The following KDM4A variants were observed in gnomAD, a reference collection of about 807,000 sequenced individuals.
The protein encoded by KDM4A is lysine-specific demethylase 4A.
In KDM4A, 23 loss-of-function variants were observed where a neutral mutation model predicts 127.1. The ratio of observed to expected loss-of-function variants is 0.18; its 90% confidence interval spans 0.13 to 0.26. The LOEUF is 0.26. KDM4A is among the 10% of genes least tolerant of loss of function. KDM4A has a pLI of 1.00. For missense variants in KDM4A, 890 were observed against 1,329.1 expected, an observed-to-expected ratio of 0.67 and a Z score of 5.14; for synonymous variants, 443 against 466.5, an observed-to-expected ratio of 0.95 and a Z score of 0.65.
chr1:43,682,504 A>G (rs775776314), intron 11 of KDM4A, among the ~76,000 whole-genome samples: 1 of 152,196 alleles, frequency 6.6e-6, no homozygotes, highest in Non-Finnish European at 1.5e-5. Context: ...ATATTCCTCC[A>G]TACTGCTGCA....
chr1:43,669,713 A>G (rs1352748259), intron 10 of KDM4A, among the ~76,000 whole-genome samples: 3 of 151,770 alleles, frequency 2.0e-5, no homozygotes, highest in Middle Eastern at 3.4e-3. Context: ...CAGGGGCGCA[A>G]TCTTGGCTCA....
At chr1:43,668,376 C>T (rs940515187) in intron 9 of KDM4A, among the ~76,000 whole-genome samples, 4 of 152,160 alleles carry the variant, frequency 2.6e-5, no homozygotes, top group African/African-American at 4.8e-5. Context: ...CCGCCCACCT[C>T]GGCCTCCCAA....
At chr1:43,692,911 G>A (rs1274024738) in intron 16 of KDM4A, among the ~76,000 whole-genome samples, 6 of 152,170 alleles carry the variant, frequency 3.9e-5, no homozygotes, top group South Asian at 2.1e-4. Context: ...AGATGAATGA[G>A]GTTTCTGACC....
At position 43,703,352 on chromosome 1, in the gene KDM4A, C is replaced by T. The variant is rs570310871; in HGVS notation, c.2842-265C>T. The T allele has an allele frequency of 1.8e-5, 6 of 327,488 alleles. No homozygotes were observed. The South Asian group carries it at 2.3e-4, about 13-fold the overall frequency. The allele number at this position is 327,488 out of a possible 1,614,324, so 20.3% of individuals were successfully genotyped here. On this transcript the variant is annotated intron_variant, in intron 19 of 21. Coordinates refer to ENST00000372396, the MANE Select transcript of KDM4A (RefSeq NM_014663.3). Reference sequence around the variant, plus strand: ...GGGAATGTAAGAAGGACTCTTGATTCTGGCACTTAACTCCTGTGTTTACTA... The same window carrying T: ...GGGAATGTAAGAAGGACTCTTGATTTTGGCACTTAACTCCTGTGTTTACTA...
At chr1:43,703,513 A>C (rs573420897) in intron 19 of KDM4A, 104 bp from the exon 20 acceptor site, 6 of 1,448,294 alleles carry the variant, frequency 4.1e-6, no homozygotes, top group Non-Finnish European at 5.7e-6. Flanking sequence ...CTTGCTCTCT[A>C]AAACAGTTAC....
intron 4 of KDM4A, among the ~76,000 whole-genome samples, chr1:43,662,539 G>A (rs765012923): frequency 5.9e-5 from 9 of 152,110 alleles, no homozygotes; most frequent in Non-Finnish European, 8.8e-5. Context: ...CCCGGGAGGC[G>A]GAGGTTGCAG....
intron 3 of KDM4A, among the ~76,000 whole-genome samples, chr1:43,657,411 C>T (rs1015363640): frequency 6.6e-6 from 1 of 152,024 alleles, no homozygotes; most frequent in African/African-American, 2.4e-5. Context: ...CCATGTTGGC[C>T]AGGATGGTCT....
chr1:43,666,341 G>T, intron 6 of KDM4A, 111 bp from the exon 7 acceptor site: 1 of 809,046 alleles, frequency 1.2e-6, no homozygotes, highest in Non-Finnish European at 2.0e-6. Context: ...AGGTCACATT[G>T]GTGATGCATC....
chr1:43,688,442 A>C lies in KDM4A; in HGVS notation c.1856-472A>C, dbSNP rs1036544809. Among the ~76,000 whole-genome samples the C allele has an allele frequency of 6.6e-6, 1 of 152,024 alleles. No homozygotes were observed. Among genetic ancestry groups the C allele is most frequent in the Non-Finnish European group, 1.5e-5 (1 of 68,030 alleles). Reference sequence around the variant, plus strand: ...CCTGGCCAAGGACCATGATATTACAACTTTTAAGCTTTGCCAATTCCCTGT... The same window carrying C: ...CCTGGCCAAGGACCATGATATTACACCTTTTAAGCTTTGCCAATTCCCTGT... On this transcript the variant is annotated intron_variant, in intron 12 of 21. Coordinates refer to ENST00000372396, the MANE Select transcript of KDM4A (RefSeq NM_014663.3). The surrounding 1 kb of genome is among the most constrained non-coding windows in gnomAD (Gnocchi z 4.4).
rs1184271360 is a variant in KDM4A at position 43,693,318 on chromosome 1, G to A, written c.2376-676G>A. ...TGCAGAGAGCTTCCATGGAGCCCCA[G>A]TGTTGTCTGGTGTAGGTTTTCACGT... is the stretch of plus-strand genomic sequence containing the variant. On this transcript the variant is annotated intron_variant, in intron 16 of 21. Transcript: ENST00000372396. The surrounding 1 kb of genome is among the most constrained non-coding windows in gnomAD (Gnocchi z 4.2). 6.6e-6 allele frequency among the ~76,000 whole-genome samples: 1 copy of A among 152,244 alleles called. No homozygotes were observed. Among genetic ancestry groups the A allele is most frequent in the African/African-American group, 2.4e-5 (1 of 41,460 alleles).
At chr1:43,679,927 C>T (rs557474116) in intron 11 of KDM4A, among the ~76,000 whole-genome samples, 3 of 152,262 alleles carry the variant, frequency 2.0e-5, no homozygotes, top group Non-Finnish European at 4.4e-5. Context: ...TGCTATCCCG[C>T]CCTGTCTGCA....
At chr1:43,663,699 C>T (rs1304833349) in intron 5 of KDM4A, among the ~76,000 whole-genome samples, 1 of 152,056 alleles carries the variant, frequency 6.6e-6, no homozygotes, top group Non-Finnish European at 1.5e-5. Context: ...TTATGGCTCA[C>T]TGCAGCCTTG....
At chr1:43,692,385 A>C (rs750755929) in intron 16 of KDM4A, 74 bp downstream of exon 16, 10 of 1,288,048 alleles carry the variant, frequency 7.8e-6, no homozygotes, top group Non-Finnish European at 1.1e-5. Flanking sequence ...TGAGGGTACT[A>C]GCTGTTCTTC....
intron 3 of KDM4A, among the ~76,000 whole-genome samples, chr1:43,660,075 T>G (rs1660336447): frequency 6.6e-6 from 1 of 152,226 alleles, no homozygotes; most frequent in Admixed American, 6.5e-5. Context: ...AAGACCGGTT[T>G]ACATCTGTGT....
intron 18 of KDM4A, 141 bp from the exon 19 acceptor site, chr1:43,697,702 C>A: frequency 2.7e-6 from 2 of 750,352 alleles, no homozygotes; most frequent in East Asian, 2.7e-5. Context: ...CTTGTTTTAG[C>A]TCCCATCTCT....
chr1:43,679,249 A>AT (rs1557913044), intron 11 of KDM4A, among the ~76,000 whole-genome samples: 1 of 152,188 alleles, frequency 6.6e-6, no homozygotes, highest in Non-Finnish European at 1.5e-5. Flanking sequence ...CCTGTGCCAC[A>AT]TTCATCCTCA....
At position 43,694,775 on chromosome 1, in the gene KDM4A, C is replaced by T; in HGVS notation, c.2551C>T (p.Arg851Cys). 1.2e-6 allele frequency: 2 copies of T among 1,614,084 alleles called. No individual in the cohort carries two copies. Among genetic ancestry groups the T allele is most frequent in the Non-Finnish European group, 1.7e-6 (2 of 1,179,976 alleles). Residue 851 changes from arginine (R) to cysteine (C), a missense_variant, in exon 18 of 22, where the codon CGC becomes TGC. By Grantham distance (180) the Arg-to-Cys change is radical. This residue lies in a region of KDM4A where 246 missense variants were observed against 418.4 expected (regional missense o/e 0.59). Coordinates refer to ENST00000372396, the MANE Select transcript of KDM4A (RefSeq NM_014663.3). The surrounding 1 kb of genome is among the most constrained non-coding windows in gnomAD (Gnocchi z 5.2). ...AGCCVQCSHG[R>C]CPTAFHVSCA... ...CTGCTGTGTGCAGTGTTCTCACGGC[C>T]GCTGCCCAACTGCCTTCCATGTGAG...
chr1:43,655,862 T>C, intron 3 of KDM4A, 96 bp downstream of exon 3: 1 of 1,012,520 alleles, frequency 9.9e-7, no homozygotes. Context: ...TGATGAACAG[T>C]GTCTTCAGCA....
chr1:43,702,811 A>G (rs185428411), intron 19 of KDM4A: 4 of 152,198 alleles, frequency 2.6e-5, no homozygotes, highest in Admixed American at 2.6e-4. Flanking sequence ...CAGGCAGATC[A>G]CCTGAGGTAA....
Sources: allele counts gnomAD v4.1 joint callset (sites outside exome capture counted in the v4.1 genomes callset), GRCh38; gene constraint gnomAD v4.1.1; regional missense constraint gnomAD v4.1.1; non-coding constraint Gnocchi (gnomAD v3.1); transcripts MANE v1.5; gene names NCBI Gene and HGNC (gene_info 2026-07-23, HGNC 2026-07-21).